GRID1: variants seen among roughly 807,000 people sequenced by gnomAD.
GRID1 encodes the protein glutamate ionotropic receptor delta type subunit 1.
A neutral mutation model predicts 98.0 loss-of-function variants in GRID1; 28 were observed. The observed-to-expected ratio is 0.29, with a 90% CI of 0.21 to 0.39. The LOEUF (loss-of-function observed/expected upper bound fraction) is 0.39. Ranked by LOEUF, GRID1 falls within the 10% of genes least tolerant of loss-of-function variation. GRID1 has a pLI of 1.00. For missense variants in GRID1, 1,111 were observed against 1,340.5 expected (o/e 0.83, Z 2.67); for synonymous variants, 553 against 538.5 (o/e 1.03, Z -0.37).
intron 2 of GRID1, among the ~76,000 whole-genome samples, chr10:86,294,616 G>T (rs962152640): frequency 7.2e-5 from 11 of 152,200 alleles, no homozygotes; most frequent in Non-Finnish European, 1.2e-4. Context: ...AAGCCTCACG[G>T]GGGCTGGTGT....
At chr10:86,215,312 G>A (rs950360096) in intron 2 of GRID1, among the ~76,000 whole-genome samples, 5 of 152,226 alleles carry the variant, frequency 3.3e-5, no homozygotes, top group South Asian at 2.1e-4. Context: ...CAGGATGCAC[G>A]AAGCAGACCA....
intron 3 of GRID1, among the ~76,000 whole-genome samples, chr10:86,154,222 G>A (rs1193466386): frequency 6.6e-6 from 1 of 152,216 alleles, no homozygotes; most frequent in African/African-American, 2.4e-5. Flanking sequence ...GGTGAGGGGA[G>A]TAGGGAAGTG....
chr10:86,017,335 A>G (rs1462985475), intron 4 of GRID1, among the ~76,000 whole-genome samples: 3 of 152,190 alleles, frequency 2.0e-5, no homozygotes, highest in Non-Finnish European at 4.4e-5. Context: ...GTGACCAGGC[A>G]CACAGCAAGT....
At chr10:85,798,386 C>T (rs1487834612) in intron 8 of GRID1, among the ~76,000 whole-genome samples, 1 of 152,148 alleles carries the variant, frequency 6.6e-6, no homozygotes, top group Non-Finnish European at 1.5e-5. Flanking sequence ...AATATATAGA[C>T]AGTAGTGGAA....
At chr10:86,038,042 T>G (rs974798577) in intron 4 of GRID1, among the ~76,000 whole-genome samples, 2 of 152,060 alleles carry the variant, frequency 1.3e-5, no homozygotes, top group Admixed American at 6.5e-5. Flanking sequence ...ACACAGACAC[T>G]CATAAGGAAG....
intron 8 of GRID1, among the ~76,000 whole-genome samples, chr10:85,822,361 T>A (rs1331223523): frequency 7.9e-5 from 12 of 151,960 alleles, no homozygotes; most frequent in Non-Finnish European, 1.5e-4. Flanking sequence ...AACAACCCCA[T>A]CAAAAAGTGG....
rs571610689 is a variant in GRID1 at position 86,195,665 on chromosome 10, G to A, written c.520+10699C>T. ...CCCGCGGCGACCACGCCATCAGGTG[G>A]GTAAGAGGATAACTTCCAGCAAGGA... On this transcript the variant is annotated intron_variant, in intron 3 of 15. Transcript: ENST00000327946. The surrounding 1 kb of genome is among the most constrained non-coding windows in gnomAD (Gnocchi z 4.4). 6.6e-6 allele frequency among the ~76,000 whole-genome samples: 1 copy of A among 152,138 alleles called. No individual in the cohort carries two copies. The highest frequency in any genetic ancestry group is 2.4e-5 in the African/African-American group (1 of 41,450).
At chr10:86,227,200 A>G (rs957454826) in intron 2 of GRID1, among the ~76,000 whole-genome samples, 1 of 152,176 alleles carries the variant, frequency 6.6e-6, no homozygotes, top group Non-Finnish European at 1.5e-5. Flanking sequence ...AGAAGCCTGG[A>G]AAGGTGGAGT....
chr10:85,882,834 T>C (rs73342542), intron 5 of GRID1, among the ~76,000 whole-genome samples: 2,402 of 152,166 alleles, frequency 0.016, 76 homozygotes, highest in African/African-American at 0.054. Context: ...GATATGCCTT[T>C]TCTGTTTGGA....
intron 15 of GRID1, among the ~76,000 whole-genome samples, chr10:85,612,324 C>G (rs1186416010): frequency 6.6e-6 from 1 of 152,144 alleles, no homozygotes; most frequent in African/African-American, 2.4e-5. Flanking sequence ...AGCCCGCCGG[C>G]TCTTACCTCC....
chr10:85,854,386 G>C, intron 8 of GRID1, 110 bp downstream of exon 8: 1 of 937,580 alleles, frequency 1.1e-6, no homozygotes, highest in Non-Finnish European at 1.7e-6. Flanking sequence ...CTAGGAGGGA[G>C]GATATCTGTG....
At chr10:85,692,154 A>G (rs1841340736) in intron 12 of GRID1, among the ~76,000 whole-genome samples, 1 of 152,108 alleles carries the variant, frequency 6.6e-6, no homozygotes, top group African/African-American at 2.4e-5. Flanking sequence ...TACTGGCTCT[A>G]GGAGATCTGA....
chr10:85,795,095 T>C (rs531280001), intron 8 of GRID1, among the ~76,000 whole-genome samples: 2 of 152,294 alleles, frequency 1.3e-5, no homozygotes, highest in African/African-American at 4.8e-5. Context: ...TGAATATAGG[T>C]AGATGGATAT....
At position 85,661,240 on chromosome 10, in the gene GRID1, G is replaced by A. The variant is rs77834504; in HGVS notation, c.1998-13843C>T. 3.3e-4 allele frequency among the ~76,000 whole-genome samples: 50 copies of A among 151,642 alleles called. 2 individuals carry two copies. The East Asian group carries it at 9.5e-3, about 29-fold the overall frequency. Reference sequence around the variant, plus strand: ...AGTCTCAGCACTCTGGTCTTAGACCGACATTTACATTCTCTGCTTAGCCCT... The same window carrying A: ...AGTCTCAGCACTCTGGTCTTAGACCAACATTTACATTCTCTGCTTAGCCCT... On this transcript the variant is annotated intron_variant, in intron 12 of 15. Coordinates refer to ENST00000327946, the MANE Select transcript of GRID1 (RefSeq NM_017551.3).
At chr10:85,915,153 C>T (rs1184819051) in intron 5 of GRID1, among the ~76,000 whole-genome samples, 1 of 152,074 alleles carries the variant, frequency 6.6e-6, no homozygotes, top group Non-Finnish European at 1.5e-5. Flanking sequence ...TATTTACTCC[C>T]TTTACATGGG....
chr10:85,864,873 G>T (rs1001092270), intron 6 of GRID1, among the ~76,000 whole-genome samples: 1 of 152,004 alleles, frequency 6.6e-6, no homozygotes, highest in Admixed American at 6.6e-5. Context: ...TTAATTCAGG[G>T]ATCCGGCTCC....
chr10:85,860,014 C>T (rs1590269188), intron 6 of GRID1, among the ~76,000 whole-genome samples: 1 of 152,150 alleles, frequency 6.6e-6, no homozygotes, highest in East Asian at 1.9e-4. Flanking sequence ...GTTGGTCATG[C>T]CAAGCCCCTG....
chr10:85,977,154 T>C (rs951716648), intron 4 of GRID1, among the ~76,000 whole-genome samples: 1 of 152,240 alleles, frequency 6.6e-6, no homozygotes, highest in African/African-American at 2.4e-5. Flanking sequence ...GTGATTAGTG[T>C]CTACCTTATA....
chr10:85,663,643 T>C (rs1325161418), intron 12 of GRID1, among the ~76,000 whole-genome samples: 1 of 152,152 alleles, frequency 6.6e-6, no homozygotes, highest in Non-Finnish European at 1.5e-5. Flanking sequence ...CTCTGCCTGC[T>C]CCTCTGAATT....
Sources: gnomAD v4.1 joint callset for allele counts (sites outside exome capture counted in the v4.1 genomes callset) on GRCh38, gnomAD v4.1.1 for gene constraint, Gnocchi (gnomAD v3.1) non-coding constraint, MANE v1.5 for transcripts, NCBI Gene and HGNC (gene_info 2026-07-23, HGNC 2026-07-21) for gene names.